The following CPSF1 variants were observed in gnomAD, a reference collection of about 807,000 sequenced individuals.
CPSF1 encodes the protein cleavage and polyadenylation specific factor 1.
Under a neutral mutation model 175.8 loss-of-function variants are expected in CPSF1, and 106 were observed. The observed-to-expected ratio is 0.60, with a 90% CI of 0.52 to 0.71. The LOEUF (loss-of-function observed/expected upper bound fraction) is 0.71, where lower values mean the gene tolerates loss of function less well. Ranked by LOEUF, CPSF1 falls within the 30% of genes least tolerant of loss-of-function variation. The pLI, the probability that CPSF1 is intolerant of heterozygous loss-of-function variation, is 0.00. For synonymous variants in CPSF1, 1,024 were observed against 858.3 expected (o/e 1.19, Z -3.37); for missense variants, 1,734 against 2,022.9 (o/e 0.86, Z 2.74).
Position 144,399,320 on chromosome 8 carries a change from T to C in CPSF1, c.1348A>G (p.Ser450Gly), listed in dbSNP as rs377634944. 1 of 1,612,504 alleles carries C rather than the reference T, an allele frequency of 6.2e-7. No homozygotes were observed. The highest frequency in any genetic ancestry group is 1.7e-5 in the Admixed American group (1 of 60,032). ...AGCTGTGTTCCCGACTGGGCCTCGCTGCCGTACACTTCAATCTCGTCCACC... is the reference window on the plus strand; with the variant it reads ...AGCTGTGTTCCCGACTGGGCCTCGCCGCCGTACACTTCAATCTCGTCCACC... ...DEVDEIEVYG[S>G]EAQSGTQLAT... is the part of the protein sequence containing the mutation. The change falls in exon 14 of 38, where the codon AGC becomes GGC. Residue 450 changes from serine (S) to glycine (G), a missense_variant. By Grantham distance (56) the Ser-to-Gly change is moderately conservative (BLOSUM62 0). Around this residue, in one of 10 missense-constraint regions of CPSF1, gnomAD observed 6 missense variants for 21.9 expected, o/e 0.27. Coordinates refer to ENST00000616140, the MANE Select transcript of CPSF1 (RefSeq NM_013291.3). The surrounding 1 kb of genome is among the most constrained non-coding windows in gnomAD (Gnocchi z 6.4).
At position 144,400,065 on chromosome 8, in the gene CPSF1, T is replaced by C; in HGVS notation, c.958A>G (p.Ile320Val). The C allele has an allele frequency of 1.2e-6, 2 of 1,606,138 alleles. No homozygotes were observed. Among genetic ancestry groups the C allele is most frequent in the Non-Finnish European group, 1.7e-6 (2 of 1,178,984 alleles). Residue 320 changes from isoleucine to valine, a missense_variant, in exon 10 of 38, where the codon ATC becomes GTC. Physicochemically the swap from Ile to Val is conservative, Grantham distance 29. This residue lies in a region of CPSF1 where 162 missense variants were observed against 169.5 expected (regional missense o/e 0.96). Transcript: ENST00000616140. ...GTGGCCTGGGCGCAGTCCAGGGTGA[T>C]CCGCACACCCTCCTGGGTGCCTGTG... ...FPLRTQEGVR[I>V]TLDCAQATFI...
At chr8:144,407,819 T>TC (rs1400286048) in intron 2 of CPSF1, among the ~76,000 whole-genome samples, 2 of 152,088 alleles carry the variant, frequency 1.3e-5, no homozygotes, top group African/African-American at 4.8e-5. Context: ...AGTGTGGGAC[T>TC]ATAGGTGTGA....
At chr8:144,409,212 C>A (rs1821663739) in intron 1 of CPSF1, 40 bp from the exon 2 acceptor site, 9 of 1,475,966 alleles carry the variant, frequency 6.1e-6, no homozygotes, top group Non-Finnish European at 8.1e-6. Flanking sequence ...CGGGGTCGCC[C>A]ACGCAGGAGC....
intron 24 of CPSF1, 47 bp from the exon 25 acceptor site, chr8:144,396,788 CCA>C: frequency 6.2e-7 from 1 of 1,612,924 alleles, no homozygotes; most frequent in South Asian, 1.1e-5. Context: ...GGTCTGAAAC[CCA>C]CACCTTGTAC....
intron 2 of CPSF1, among the ~76,000 whole-genome samples, chr8:144,407,817 A>ACTATAGGTGTG (rs1554869552): frequency 6.6e-6 from 1 of 151,912 alleles, no homozygotes; most frequent in Non-Finnish European, 1.5e-5. Context: ...AAAGTGTGGG[A>ACTATAGGTGTG]CTATAGGTGT....
At position 144,399,654 on chromosome 8, in the gene CPSF1, G is replaced by C; in HGVS notation, c.1176C>G (p.Leu392=). The C allele has an allele frequency of 6.2e-7, 1 of 1,610,868 alleles. No individual in the cohort carries two copies. Among genetic ancestry groups the C allele is most frequent in the Non-Finnish European group, 8.5e-7 (1 of 1,178,780 alleles). Residue 392 remains leucine (L), a synonymous_variant, in exon 12 of 38, where the codon CTC becomes CTG. Coordinates refer to ENST00000616140, the MANE Select transcript of CPSF1 (RefSeq NM_013291.3). This position sits in a 1 kb window ranked among gnomAD's most constrained non-coding sequence, Gnocchi z 6.4. ...LFLGSRLGNS[L]LLKYTEKLQE... ...GCAGCTTCTCCGTGTACTTGAGGAG[G>C]AGGGAATTGCCCAGGCGAGAACCCA...
intron 17 of CPSF1, 50 bp from the exon 18 acceptor site, chr8:144,398,688 A>C: frequency 6.2e-7 from 1 of 1,606,454 alleles, no homozygotes; most frequent in Non-Finnish European, 8.5e-7. Flanking sequence ...CAGTGAAGGC[A>C]GGCACGCAGG....
At chr8:144,402,376 T>C (rs2116890924) in intron 2 of CPSF1, among the ~76,000 whole-genome samples, 3 of 152,154 alleles carry the variant, frequency 2.0e-5, no homozygotes, top group South Asian at 4.1e-4. Context: ...GGCGTGATCT[T>C]GGCTCACTGC....
rs143323351 is a variant in CPSF1 at position 144,395,460 on chromosome 8, T to C, written c.3071A>G (p.Tyr1024Cys). The C allele has an allele frequency of 3.7e-5, 59 of 1,611,390 alleles. No individual in the cohort carries two copies. The highest frequency in any genetic ancestry group is 2.7e-4 in the South Asian group (25 of 91,038). Reference protein sequence around the residue: ...RKIPLRCTAHYVAYHVESKVY... With the variant: ...RKIPLRCTAHCVAYHVESKVY... Reference sequence around the variant, plus strand: ...CTTAGACTCCACGTGGTAAGCCACATAGTGGGCCGTGCAGCGCAGCGGGAT... The same window carrying C: ...CTTAGACTCCACGTGGTAAGCCACACAGTGGGCCGTGCAGCGCAGCGGGAT... The change falls in exon 27 of 38, where the codon TAT (tyrosine) becomes TGT (cysteine). Residue 1024 changes from tyrosine to cysteine, a missense_variant. Physicochemically the swap from Tyr to Cys is radical, Grantham distance 194 (BLOSUM62 -2). This residue lies in a region of CPSF1 where 585 missense variants were observed against 584.7 expected (regional missense o/e 1.00). Coordinates refer to ENST00000616140, the MANE Select transcript of CPSF1 (RefSeq NM_013291.3).
chr8:144,393,905 C>G lies in CPSF1; in HGVS notation c.3993G>C (p.Glu1331Asp), dbSNP rs1554862435. Residue 1331 changes from glutamate (E) to aspartate (D), a missense_variant, in exon 35 of 38, where the codon GAG becomes GAC. Physicochemically the swap from Glu to Asp is conservative, Grantham distance 45. This residue lies in a region of CPSF1 where 323 missense variants were observed against 338.5 expected (regional missense o/e 0.95). Transcript: ENST00000616140. ...EGLSKKSVVW[E>D]NKHITWFATL... The stretch of plus-strand genomic sequence containing the variant: ...CACCAAACCACGTGATGTGCTTATT[C>G]TCCCACACGACCGACTTTTTGCTGA... 5.0e-6 allele frequency: 8 copies of G among 1,612,670 alleles called. No individual in the cohort carries two copies. The highest frequency in any genetic ancestry group is 6.8e-6 in the Non-Finnish European group (8 of 1,179,458).
chr8:144,396,777 C>T (rs1054799927), intron 24 of CPSF1, 36 bp from the exon 25 acceptor site: 33 of 1,612,720 alleles, frequency 2.0e-5, no homozygotes, highest in Non-Finnish European at 2.8e-5. Flanking sequence ...CAGGGGCTGC[C>T]GGTCTGAAAC....
At chr8:144,397,687 C>A (rs782680880) in intron 21 of CPSF1, 26 bp from the exon 22 acceptor site, 2 of 1,559,754 alleles carry the variant, frequency 1.3e-6, no homozygotes, top group South Asian at 2.3e-5. Context: ...AGGTCATGGG[C>A]GGCCTGCCAG....
In CPSF1 at chr8:144,397,898, G is replaced by A. The variant is rs781823901; in HGVS notation, c.2074-19C>T. 3.1e-6 allele frequency: 5 copies of A among 1,599,748 alleles called. No homozygotes were observed. Among genetic ancestry groups the A allele is most frequent in the Admixed American group, 3.3e-5 (2 of 59,758 alleles). On this transcript the variant is annotated intron_variant, in intron 20 of 37. Coordinates refer to ENST00000616140, the MANE Select transcript of CPSF1 (RefSeq NM_013291.3). ...TGGACTGCTGCGGGGAGAGGGGTGG[G>A]CTCAGCGGCGGGCAAGGGGCAGGGA...
In CPSF1 at chr8:144,398,827, G is replaced by A. The variant is rs200672676; in HGVS notation, c.1590C>T (p.Pro530=). 25 of 1,609,226 alleles carry A rather than the reference G, an allele frequency of 1.6e-5. No individual in the cohort carries two copies. Among genetic ancestry groups the A allele is most frequent in the Non-Finnish European group, 1.9e-5 (22 of 1,176,642 alleles). ...TGACTGTCCACATGTCATAGCAGCC[G>A]GGAAGCTCAAAGGTTGTCACCACCT... is the stretch of plus-strand genomic sequence containing the variant. ...RPQVVTTFEL[P]GCYDMWTVIA... Residue 530 remains proline (P), a synonymous_variant, in exon 17 of 38, where the codon CCC becomes CCT. Transcript: ENST00000616140.
rs2116880522 is a variant in CPSF1 at position 144,401,013 on chromosome 8, T to A, written c.450A>T (p.Ala150=). The change falls in exon 6 of 38, where the codon GCA becomes GCT. Residue 150 remains alanine, a synonymous_variant. Transcript: ENST00000616140. ...RVRVDPDGRC[A]AMLVYGTRLV... The stretch of plus-strand genomic sequence containing the variant: ...GCCGCGTGCCGTAGACAAGCATGGC[T>A]GCACAGCGCCCGTCGGGGTCCACCC... The A allele has an allele frequency of 5.0e-6, 8 of 1,610,192 alleles. No individual in the cohort carries two copies. Among genetic ancestry groups the A allele is most frequent in the Non-Finnish European group, 5.9e-6 (7 of 1,178,194 alleles).
chr8:144,405,849 A>G (rs1821470777), intron 2 of CPSF1, among the ~76,000 whole-genome samples: 1 of 152,118 alleles, frequency 6.6e-6, no homozygotes, highest in Admixed American at 6.5e-5. Flanking sequence ...AGGAAAACCA[A>G]GCTAGCCATG....
rs782758614 is a variant in CPSF1, at chr8:144,397,539, C to T, written c.2333G>A (p.Arg778Gln). The part of the protein sequence containing the change: ...PPADRDPAPF[R>Q]AEPTHWCLLV... ...CAGGCACCAGTGGGTAGGCTCTGCC[C>T]GGAAGGGTGCAGGGTCCCGGTCAGC... The change falls in exon 22 of 38, where the codon CGG (arginine) becomes CAG (glutamine). Residue 778 changes from arginine to glutamine, a missense_variant. Coordinates refer to ENST00000616140, the MANE Select transcript of CPSF1 (RefSeq NM_013291.3). The T allele has an allele frequency of 2.0e-5, 31 of 1,570,250 alleles. No individual in the cohort carries two copies. Among genetic ancestry groups the T allele is most frequent in the South Asian group, 2.4e-5 (2 of 84,290 alleles).
At position 144,399,425 on chromosome 8, in the gene CPSF1, C is replaced by T. The variant is rs2116862489; in HGVS notation, c.1294+27G>A. On this transcript the variant is annotated intron_variant, in intron 13 of 37. Coordinates refer to ENST00000616140, the MANE Select transcript of CPSF1 (RefSeq NM_013291.3). The surrounding 1 kb of genome is among the most constrained non-coding windows in gnomAD (Gnocchi z 6.4). ...CAGCCCTGGGTCACCTGGCCCCGCT[C>T]CTGACCAGCCCTGGACCGGCCCTCA... The T allele has an allele frequency of 3.7e-6, 6 of 1,612,860 alleles. No individual in the cohort carries two copies. The East Asian group carries it at 1.3e-4, about 36-fold the overall frequency.
Position 144,394,014 on chromosome 8 carries a change from C to T in CPSF1, c.3884G>A (p.Arg1295His), listed in dbSNP as rs1554862534. ...PEAKESFGGM[R>H]LLRRADFHVG... ...GTGGAAGTCTGCCCGACGCAGCAGG[C>T]GCATGCCCCCGAAACTCTCCTTGGC... is the stretch of plus-strand genomic sequence containing the variant. Residue 1295 changes from arginine (R) to histidine (H), a missense_variant, in exon 35 of 38, where the codon CGC becomes CAC. Physicochemically the swap from Arg to His is conservative, Grantham distance 29 (BLOSUM62 0). Around this residue, in one of 10 missense-constraint regions of CPSF1, gnomAD observed 323 missense variants for 338.5 expected, o/e 0.95. Coordinates refer to ENST00000616140, the MANE Select transcript of CPSF1 (RefSeq NM_013291.3). 4 of 1,612,398 alleles carry T rather than the reference C, an allele frequency of 2.5e-6. No homozygotes were observed. The highest frequency in any genetic ancestry group is 2.5e-6 in the Non-Finnish European group (3 of 1,179,088).
Sources: allele counts gnomAD v4.1 joint callset (sites outside exome capture counted in the v4.1 genomes callset), GRCh38; gene constraint gnomAD v4.1.1; regional missense constraint gnomAD v4.1.1; non-coding constraint Gnocchi (gnomAD v3.1); transcripts MANE v1.5; gene names NCBI Gene and HGNC (gene_info 2026-07-23, HGNC 2026-07-21).